The following IQSEC3 variants were observed in gnomAD, a reference collection of about 807,000 sequenced individuals.
IQSEC3 encodes IQ motif and SEC7 domain-containing protein 3.
In IQSEC3, 50 loss-of-function variants were observed where a neutral mutation model predicts 105.4. The ratio of observed to expected loss-of-function variants is 0.47; its 90% CI spans 0.38 to 0.60. The LOEUF (loss-of-function observed/expected upper bound fraction) is 0.60, where lower values mean the gene tolerates loss of function less well. IQSEC3 is among the 20% of genes least tolerant of loss of function. IQSEC3 has a pLI of 0.00. For synonymous variants in IQSEC3, 708 were observed against 746.0 expected (o/e 0.95, Z 0.83); for missense variants, 1,415 against 1,630.0 (o/e 0.87, Z 2.27).
chr12:78,824 G>A (rs1230463355), intron 1 of IQSEC3, among the ~76,000 whole-genome samples: 1 of 152,120 alleles, frequency 6.6e-6, no homozygotes, highest in African/African-American at 2.4e-5. Context: ...TGCCTGGCAC[G>A]CAGTGAGGGC....
chr12:89,093 C>G (rs536940804), intron 1 of IQSEC3, among the ~76,000 whole-genome samples: 1 of 152,274 alleles, frequency 6.6e-6, no homozygotes, highest in South Asian at 2.1e-4. Context: ...GTCTGCATCT[C>G]CAGCCCAGAG....
intron 9 of IQSEC3, 174 bp from the exon 10 acceptor site, chr12:165,260 A>G: frequency 1.6e-6 from 1 of 625,538 alleles, no homozygotes; most frequent in Non-Finnish European, 2.9e-6. Context: ...GGTTTTGTGC[A>G]GTGAAGAAGC....
intron 13 of IQSEC3, among the ~76,000 whole-genome samples, chr12:172,919 A>AGG (rs1227526076): frequency 6.6e-6 from 1 of 152,110 alleles, no homozygotes; most frequent in African/African-American, 2.4e-5. Context: ...TGTGGCCCAG[A>AGG]GGGGGCGCGG....
chr12:95,003 A>G (rs528669747), intron 1 of IQSEC3, among the ~76,000 whole-genome samples: 5 of 152,102 alleles, frequency 3.3e-5, no homozygotes, highest in Non-Finnish European at 7.4e-5. Context: ...AGGTCCACCT[A>G]CCCTGCATTG....
chr12:125,164 T>C (rs782819694), intron 2 of IQSEC3, among the ~76,000 whole-genome samples: 1 of 152,076 alleles, frequency 6.6e-6, no homozygotes, highest in Non-Finnish European at 1.5e-5. Flanking sequence ...TTACAATAGG[T>C]AACACATGTA....
chr12:98,347 G>C (rs1348488182), intron 1 of IQSEC3, among the ~76,000 whole-genome samples: 1 of 152,142 alleles, frequency 6.6e-6, no homozygotes, highest in Non-Finnish European at 1.5e-5. Flanking sequence ...AAAAAGTCCC[G>C]GTGCCCTGGA....
chr12:162,089 C>T, intron 8 of IQSEC3, 24 bp downstream of exon 8: 1 of 1,609,904 alleles, frequency 6.2e-7, no homozygotes. Context: ...AGCTACCTAT[C>T]TCCCGTCTCC....
chr12:139,410 G>A (rs1163245514), intron 4 of IQSEC3, 56 bp downstream of exon 4: 13 of 1,410,190 alleles, frequency 9.2e-6, no homozygotes, highest in Non-Finnish European at 1.1e-5. Flanking sequence ...AGGGAGGGAA[G>A]GAGGAGGGCA....
chr12:172,284 G>A (rs1555100596), intron 13 of IQSEC3, among the ~76,000 whole-genome samples: 1 of 147,686 alleles, frequency 6.8e-6, no homozygotes, highest in African/African-American at 2.5e-5. Flanking sequence ...GGAGCTTCCT[G>A]CCCCAGCCGC....
intron 1 of IQSEC3, among the ~76,000 whole-genome samples, chr12:71,027 A>G (rs1863295011): frequency 1.3e-5 from 2 of 152,240 alleles, no homozygotes; most frequent in Non-Finnish European, 2.9e-5. Flanking sequence ...CTTCTTCCAC[A>G]TAAGCTACAC....
At chr12:118,712 C>A (rs1179884369) in intron 2 of IQSEC3, among the ~76,000 whole-genome samples, 3 of 152,228 alleles carry the variant, frequency 2.0e-5, no homozygotes, top group African/African-American at 7.2e-5. Context: ...AGGGGCTGAG[C>A]CTGCAGGTAG....
At chr12:143,826 C>CGT (rs111698246) in intron 5 of IQSEC3, 23,904 of 147,374 alleles carry the variant, frequency 0.16, 2,053 homozygotes, top group Non-Finnish European at 0.2. Flanking sequence ...GCTGGGCACC[C>CGT]GTGTGTGTGT....
rs1865844906 is a variant in IQSEC3, at chr12:138,145, C to T, written c.904-122C>T. The T allele has an allele frequency of 2.3e-6, 2 of 869,532 alleles. No individual in the cohort carries two copies. The highest frequency in any genetic ancestry group is 1.7e-5 in the South Asian group (1 of 58,452). The allele number at this position is 869,532 out of a possible 1,614,324, so 53.9% of individuals were successfully genotyped here. On this transcript the variant is annotated intron_variant, in intron 3 of 13. Coordinates refer to ENST00000538872, the MANE Select transcript of IQSEC3 (RefSeq NM_001170738.2). This position sits in a 1 kb window ranked among gnomAD's most constrained non-coding sequence, Gnocchi z 7.1. ...CAGACTTTAGCTGCCCAGGAGCGCC[C>T]CCCCGCCCCCGTCCATTCCTGGGCC...
At chr12:156,269 C>A (rs1294384289) in intron 5 of IQSEC3, among the ~76,000 whole-genome samples, 1 of 152,198 alleles carries the variant, frequency 6.6e-6, no homozygotes, top group Non-Finnish European at 1.5e-5. Context: ...GGACTCCAGC[C>A]TCCTCCCTTT....
intron 2 of IQSEC3, chr12:111,757 C>G (rs952006144): frequency 6.6e-6 from 1 of 152,150 alleles, no homozygotes; most frequent in African/African-American, 2.4e-5. Context: ...CCACACAAAT[C>G]GAGTGGGACA....
intron 2 of IQSEC3, 136 bp from the exon 3 acceptor site, chr12:125,497 C>A: frequency 1.2e-6 from 1 of 868,354 alleles, no homozygotes; most frequent in South Asian, 2.4e-5. Context: ...CTAGAGGAGA[C>A]TGTGAAAGAC....
Position 162,213 on chromosome 12 carries a change from T to C in IQSEC3, c.2583+148T>C, listed in dbSNP as rs1866924311. The C allele has an allele frequency of 4.0e-5, 33 of 820,088 alleles. No homozygotes were observed. The South Asian group carries it at 5.7e-4, about 14-fold the overall frequency. The allele number at this position is 820,088 out of a possible 1,614,324, so 50.8% of individuals were successfully genotyped here. A position where few individuals can be genotyped will look rare whatever the true frequency, so the allele number is the denominator to read the frequency against. On this transcript the variant is annotated intron_variant, in intron 8 of 13. Coordinates refer to ENST00000538872, the MANE Select transcript of IQSEC3 (RefSeq NM_001170738.2). ...GAAGTACCTACTGTGTGCCAGACACTGCATCTCTTTTTTTTTTTCTTGCCT... is the reference window on the plus strand; with the variant it reads ...GAAGTACCTACTGTGTGCCAGACACCGCATCTCTTTTTTTTTTTCTTGCCT...
chr12:145,186 G>A (rs1866210666), intron 5 of IQSEC3, among the ~76,000 whole-genome samples: 2 of 152,208 alleles, frequency 1.3e-5, no homozygotes, highest in African/African-American at 4.8e-5. Flanking sequence ...TAAAATGCTG[G>A]TAAGAGTACC....
At chr12:87,929 T>C (rs958779267) in intron 1 of IQSEC3, among the ~76,000 whole-genome samples, 18 of 152,196 alleles carry the variant, frequency 1.2e-4, no homozygotes, top group African/African-American at 4.1e-4. Flanking sequence ...TTCTGTTGTA[T>C]ACGTGCGGTT....
Sources: allele counts gnomAD v4.1 joint callset (sites outside exome capture counted in the v4.1 genomes callset), GRCh38; gene constraint gnomAD v4.1.1; non-coding constraint Gnocchi (gnomAD v3.1); transcripts MANE v1.5; gene names NCBI Gene and HGNC (gene_info 2026-07-23, HGNC 2026-07-21).